EVL: variants seen among roughly 807,000 people sequenced by gnomAD.
EVL encodes the protein Enah/Vasp-like.
In EVL, 21 loss-of-function variants were observed where a neutral mutation model predicts 59.6. That is an observed-to-expected ratio of 0.35 (90% CI 0.25 to 0.51). The LOEUF (loss-of-function observed/expected upper bound fraction) is 0.51. Ranked by LOEUF, EVL falls within the 20% of genes least tolerant of loss-of-function variation. The pLI is 0.97. For synonymous variants in EVL, 198 were observed against 203.5 expected, an observed-to-expected ratio of 0.97 and a Z score of 0.23; for missense variants, 462 against 546.6, an observed-to-expected ratio of 0.85 and a Z score of 1.54.
intron 1 of EVL, among the ~76,000 whole-genome samples, chr14:100,055,755 G>T (rs2061719159): frequency 6.6e-6 from 1 of 152,168 alleles, no homozygotes; most frequent in Admixed American, 6.6e-5. Context: ...ATCAGTGTTT[G>T]TGTCTGTATG....
rs1277501171 is a variant in EVL, at chr14:100,130,766, G to A, written c.839+1082G>A. Among the ~76,000 whole-genome samples, 1 of 152,240 alleles carries A rather than the reference G, an allele frequency of 6.6e-6. No homozygotes were observed. The highest frequency in any genetic ancestry group is 2.4e-5 in the African/African-American group (1 of 41,458). ...GGGGCTCTTTGCTTGCATCACAGAT[G>A]GCAGGGAGGGGAGGCTCCCCGTGTG... is the stretch of plus-strand genomic sequence containing the variant. On this transcript the variant is annotated intron_variant, in intron 7 of 13. Coordinates refer to ENST00000392920, the MANE Select transcript of EVL (RefSeq NM_016337.3). This position sits in a 1 kb window ranked among gnomAD's most constrained non-coding sequence, Gnocchi z 4.8.
intron 3 of EVL, among the ~76,000 whole-genome samples, chr14:100,100,503 C>T (rs895067311): frequency 6.6e-6 from 1 of 152,078 alleles, no homozygotes; most frequent in South Asian, 2.1e-4. Flanking sequence ...AGTGCCAGAC[C>T]GAGAAAGAAA....
chr14:100,134,909 G>A (rs897131758), intron 8 of EVL: 16 of 152,162 alleles, frequency 1.1e-4, no homozygotes, highest in African/African-American at 3.4e-4. Flanking sequence ...GGAGTGCTGC[G>A]GCCACCTCTT....
At chr14:100,008,233 T>G (rs1301839396) in intron 1 of EVL, among the ~76,000 whole-genome samples, 1 of 152,138 alleles carries the variant, frequency 6.6e-6, no homozygotes, top group Non-Finnish European at 1.5e-5. Flanking sequence ...TTTTCATCCT[T>G]AACAAGCTCC....
At chr14:100,090,348 T>C (rs1335161989) in intron 2 of EVL, among the ~76,000 whole-genome samples, 1 of 152,208 alleles carries the variant, frequency 6.6e-6, no homozygotes, top group East Asian at 1.9e-4. Flanking sequence ...TTAGATAAGA[T>C]GGACATATTC....
intron 2 of EVL, among the ~76,000 whole-genome samples, chr14:100,089,597 A>G (rs1014703376): frequency 1.3e-5 from 2 of 152,250 alleles, no homozygotes; most frequent in Admixed American, 6.5e-5. Context: ...TGACAATATA[A>G]CATAGCAATA....
chr14:100,006,989 G>A (rs1189490139), intron 1 of EVL, among the ~76,000 whole-genome samples: 1 of 152,030 alleles, frequency 6.6e-6, no homozygotes, highest in African/African-American at 2.4e-5. Context: ...TCAAAGGTTA[G>A]GGGCACCTTC....
intron 1 of EVL, among the ~76,000 whole-genome samples, chr14:100,021,992 T>C (rs2061133254): frequency 2.0e-5 from 3 of 152,110 alleles, no homozygotes; most frequent in Admixed American, 1.3e-4. Flanking sequence ...GGTGCCGCTA[T>C]GAACTAACTT....
chr14:100,073,331 T>C (rs1353889016), intron 1 of EVL, among the ~76,000 whole-genome samples: 2 of 150,926 alleles, frequency 1.3e-5, no homozygotes, highest in Non-Finnish European at 3.0e-5. Flanking sequence ...TTTTTTTTTT[T>C]TTTTTGGGGA....
intron 2 of EVL, among the ~76,000 whole-genome samples, chr14:100,094,450 T>C (rs974430051): frequency 3.3e-5 from 5 of 152,110 alleles, no homozygotes; most frequent in African/African-American, 7.2e-5. Context: ...GTTCAAATCA[T>C]AGGGTTCTAG....
intron 1 of EVL, among the ~76,000 whole-genome samples, chr14:100,030,094 CT>C (rs57192659): frequency 0.033 from 4,565 of 139,836 alleles, 85 homozygotes; most frequent in Non-Finnish European, 0.048. Context: ...ATGAGATTAC[CT>C]TTTTTTTTTT....
rs558184283 is a variant in EVL, at chr14:100,056,239, A to G, written c.6-28448A>G. Among the ~76,000 whole-genome samples, 9 of 148,968 alleles carry G rather than the reference A, an allele frequency of 6.0e-5. No homozygotes were observed. In the South Asian group the frequency reaches 1.9e-3, roughly 31 times the overall value. The stretch of plus-strand genomic sequence containing the variant: ...TTTTTTAATTTTTTTTTTGCTTCTG[A>G]GATGCCTTTTACTTCTGTAGTCCCT... On this transcript the variant is annotated intron_variant, in intron 1 of 13. Coordinates refer to the EVL transcript ENST00000402714.
At chr14:99,993,737 G>A (rs2060892060) in intron 1 of EVL, among the ~76,000 whole-genome samples, 1 of 131,824 alleles carries the variant, frequency 7.6e-6, no homozygotes, top group African/African-American at 3.1e-5. Context: ...TTGTTGCCCA[G>A]GCTGGAGTGC....
chr14:100,111,505 C>T (rs537492774), intron 3 of EVL, among the ~76,000 whole-genome samples: 5 of 152,224 alleles, frequency 3.3e-5, no homozygotes, highest in African/African-American at 1.2e-4. Flanking sequence ...ACAGAGTTGT[C>T]ATGAGGCTCA....
At position 100,003,314 on chromosome 14, in the gene EVL, T is replaced by G. The variant is rs573328196; in HGVS notation, c.5+31257T>G. 3.3e-4 allele frequency among the ~76,000 whole-genome samples: 50 copies of G among 152,358 alleles called. 1 individual carries two copies. Among genetic ancestry groups the G allele is most frequent in the Non-Finnish European group, 1.2e-4 (8 of 68,040 alleles). On this transcript the variant is annotated intron_variant, in intron 1 of 13. Transcript: ENST00000402714. Reference sequence around the variant, plus strand: ...ATTTAACAGGACCTGGTGTCCTTTTTAGACCCAGGAGTCAAAGCCCTGTAA... The same window carrying G: ...ATTTAACAGGACCTGGTGTCCTTTTGAGACCCAGGAGTCAAAGCCCTGTAA...
At position 100,137,758 on chromosome 14, in the gene EVL, G is replaced by A. The variant is rs1418712484; in HGVS notation, c.1050G>A (p.Lys350=). The stretch of plus-strand genomic sequence containing the variant: ...GCCGTAGAACCCCGTCTGTGGCAAA[G>A]AGCCCCGAAGCTAAGAGCCCCCTTC... ...SILSRTPSVA[K]SPEAKSPLQS... is the part of the protein sequence containing the mutation. The change falls in exon 11 of 14, where the codon AAG becomes AAA. Residue 350 remains lysine, a synonymous_variant. Coordinates refer to ENST00000392920, the MANE Select transcript of EVL (RefSeq NM_016337.3). 1.2e-6 allele frequency: 2 copies of A among 1,613,988 alleles called. No individual in the cohort carries two copies. The highest frequency in any genetic ancestry group is 2.7e-5 in the African/African-American group (2 of 74,936).
chr14:100,018,438 G>A (rs763480126), intron 1 of EVL, among the ~76,000 whole-genome samples: 4 of 152,232 alleles, frequency 2.6e-5, no homozygotes, highest in African/African-American at 4.8e-5. Context: ...ATGAAGAGGC[G>A]TGAAAGACTT....
intron 1 of EVL, among the ~76,000 whole-genome samples, chr14:100,066,709 T>A (rs72711918): frequency 0.018 from 2,718 of 152,344 alleles, 35 homozygotes; most frequent in Non-Finnish European, 0.027. Context: ...TCTAGCAGCT[T>A]ATTCTACCGT....
intron 1 of EVL, among the ~76,000 whole-genome samples, chr14:100,082,744 G>A (rs772635202): frequency 4.4e-4 from 67 of 152,226 alleles, no homozygotes; most frequent in Non-Finnish European, 7.9e-4. Context: ...GTCTGCGAAA[G>A]GAGAAAGGCC....
Sources: allele counts gnomAD v4.1 joint callset (sites outside exome capture counted in the v4.1 genomes callset), GRCh38; gene constraint gnomAD v4.1.1; non-coding constraint Gnocchi (gnomAD v3.1); transcripts MANE v1.5; gene names NCBI Gene and HGNC (gene_info 2026-07-23, HGNC 2026-07-21).